OSBPL5: variants seen among roughly 807,000 people sequenced by gnomAD.
The protein encoded by OSBPL5 is oxysterol binding protein like 5, also known as oxysterol-binding protein-related protein 5.
OSBPL5 carries 71 observed loss-of-function variants against 111.2 expected under a neutral mutation model. The observed-to-expected ratio is 0.64, with a 90% confidence interval of 0.53 to 0.78. The LOEUF is 0.78. Among genes scored for constraint, OSBPL5 ranks in the 30% least tolerant of loss-of-function variants. OSBPL5 has a pLI of 0.00. For missense variants in OSBPL5, 1,210 were observed against 1,189.3 expected (o/e 1.02, Z -0.26); for synonymous variants, 549 against 513.9 (o/e 1.07, Z -0.93).
intron 1 of OSBPL5, among the ~76,000 whole-genome samples, chr11:3,135,198 C>G (rs1022643741): frequency 8.5e-5 from 13 of 152,232 alleles, no homozygotes; most frequent in African/African-American, 3.1e-4. Context: ...TTCCCCTGAA[C>G]TGAGCTGTGC....
rs1351143426 is a variant in OSBPL5 at position 3,154,488 on chromosome 11, G to A, written c.-22+10728C>T. Among the ~76,000 whole-genome samples, 1 of 152,210 alleles carries A rather than the reference G, an allele frequency of 6.6e-6. No individual in the cohort carries two copies. Among genetic ancestry groups the A allele is most frequent in the East Asian group, 1.9e-4 (1 of 5,202 alleles). On this transcript the variant is annotated intron_variant, in intron 1 of 21. Coordinates refer to ENST00000263650, the MANE Select transcript of OSBPL5 (RefSeq NM_020896.4). The surrounding 1 kb of genome is among the most constrained non-coding windows in gnomAD (Gnocchi z 4.9). Reference sequence around the variant, plus strand: ...GCTCGCCCAGGTTCCAGCTGAGCCAGGCCTCTTGGGAAGGCGTAAAACAGT... The same window carrying A: ...GCTCGCCCAGGTTCCAGCTGAGCCAAGCCTCTTGGGAAGGCGTAAAACAGT...
Position 3,126,767 on chromosome 11 carries a change from T to C in OSBPL5, c.137-212A>G. ...TGTGGGAGGAGTGTGCCAGGAGAACTGGCAGGGCCTCCAGGACCTACAGGG... is the reference window on the plus strand; with the variant it reads ...TGTGGGAGGAGTGTGCCAGGAGAACCGGCAGGGCCTCCAGGACCTACAGGG... On this transcript the variant is annotated intron_variant, in intron 2 of 21. Coordinates refer to ENST00000263650, the MANE Select transcript of OSBPL5 (RefSeq NM_020896.4). The surrounding 1 kb of genome is among the most constrained non-coding windows in gnomAD (Gnocchi z 6.5). 1 of 459,750 alleles carries C rather than the reference T, an allele frequency of 2.2e-6. No homozygotes were observed. The highest frequency in any genetic ancestry group is 3.9e-6 in the Non-Finnish European group (1 of 255,138). 28.5% of individuals were successfully genotyped at this position (459,750 alleles called of 1,614,324 possible). A position where few individuals can be genotyped will look rare whatever the true frequency, so the allele number is the denominator to read the frequency against.
At chr11:3,117,374 T>C (rs969240293) in intron 7 of OSBPL5, among the ~76,000 whole-genome samples, 1 of 152,208 alleles carries the variant, frequency 6.6e-6, no homozygotes, top group Non-Finnish European at 1.5e-5. Context: ...TCGCCCAACT[T>C]ATAGGTGTTT....
intron 1 of OSBPL5, among the ~76,000 whole-genome samples, chr11:3,150,434 T>C (rs560164812): frequency 6.5e-4 from 99 of 152,168 alleles, no homozygotes; most frequent in Non-Finnish European, 1.1e-3. Flanking sequence ...CTCCTCCTCC[T>C]TAGGGAGGAG....
At chr11:3,151,280 G>T (rs1846577447) in intron 1 of OSBPL5, among the ~76,000 whole-genome samples, 1 of 152,188 alleles carries the variant, frequency 6.6e-6, no homozygotes. Flanking sequence ...GAATGACTCT[G>T]TGTTGTTCTA....
chr11:3,103,707 CCCCCTTCCAGGCTCTGCTG>C (rs1857541595), intron 10 of OSBPL5, among the ~76,000 whole-genome samples: 3 of 117,384 alleles, frequency 2.6e-5, no homozygotes, highest in Non-Finnish European at 5.1e-5. Flanking sequence ...AGCCTGCGTA[CCCCCTTCCAGGCTCTGCTG>C]CCCCTTCCTG....
chr11:3,119,209 C>G (rs1275740329), intron 7 of OSBPL5, among the ~76,000 whole-genome samples: 1 of 152,106 alleles, frequency 6.6e-6, no homozygotes, highest in Non-Finnish European at 1.5e-5. Context: ...CGGGGTTTCA[C>G]CATGTTGGCC....
chr11:3,127,514 A>C (rs569714632), intron 2 of OSBPL5, among the ~76,000 whole-genome samples: 1 of 152,342 alleles, frequency 6.6e-6, no homozygotes, highest in South Asian at 2.1e-4. Flanking sequence ...GGCCACTCAC[A>C]GTCACAGAAC....
intron 11 of OSBPL5, 61 bp downstream of exon 11, chr11:3,103,178 A>G (rs954913836): frequency 3.4e-6 from 5 of 1,462,044 alleles, no homozygotes; most frequent in Admixed American, 4.1e-5. Flanking sequence ...CCAAGGGACG[A>G]GGGCTGAGCA....
At chr11:3,094,545 TGGG>T in intron 14 of OSBPL5, 1 of 247,122 alleles carries the variant, frequency 4.0e-6, no homozygotes, top group Non-Finnish European at 7.1e-6. Context: ...GTGCGGAGCC[TGGG>T]AGGTGCGGAG....
In OSBPL5 at chr11:3,129,105, G is replaced by T; in HGVS notation, c.44C>A (p.Pro15Gln). The change falls in exon 2 of 22, where the codon CCA (proline) becomes CAA (glutamine). Residue 15 changes from proline (P) to glutamine (Q), a missense_variant. Coordinates refer to ENST00000263650, the MANE Select transcript of OSBPL5 (RefSeq NM_020896.4). ...GACTTTCTGAGGGGTGGAGGAAGGT[G>T]GACACAGGGAGAAGCGGCGCCGGAG... ...AFLRRRFSLC[P>Q]PSSTPQKVDP... The T allele has an allele frequency of 6.5e-7, 1 of 1,536,700 alleles. No homozygotes were observed. The highest frequency in any genetic ancestry group is 8.8e-7 in the Non-Finnish European group (1 of 1,142,238).
intron 7 of OSBPL5, among the ~76,000 whole-genome samples, chr11:3,111,818 C>T (rs1857949725): frequency 6.6e-6 from 1 of 152,190 alleles, no homozygotes; most frequent in African/African-American, 2.4e-5. Context: ...CTAGGCCAAA[C>T]TGAAAGAGTA....
At chr11:3,103,818 G>C (rs1272709345) in intron 10 of OSBPL5, among the ~76,000 whole-genome samples, 1,229 of 25,596 alleles carry the variant, frequency 0.048, 29 homozygotes, top group Non-Finnish European at 0.066. Flanking sequence ...CTTCCTGCCT[G>C]CGCAGCCCCC....
chr11:3,154,613 T>C lies in OSBPL5; in HGVS notation c.-22+10603A>G, dbSNP rs1304734816. The stretch of plus-strand genomic sequence containing the variant: ...CTTACTCCGGGCAAATGCTGGGCCC[T>C]CACAGGGGATAAAAACAGAACCCAC... On this transcript the variant is annotated intron_variant, in intron 1 of 21. Coordinates refer to ENST00000263650, the MANE Select transcript of OSBPL5 (RefSeq NM_020896.4). The surrounding 1 kb of genome is among the most constrained non-coding windows in gnomAD (Gnocchi z 4.9). Among the ~76,000 whole-genome samples, 1 of 152,140 alleles carries C rather than the reference T, an allele frequency of 6.6e-6. No individual in the cohort carries two copies. The highest frequency in any genetic ancestry group is 2.4e-5 in the African/African-American group (1 of 41,440).
chr11:3,112,042 C>CGCGCGTGTGTGCATGTGTATGTGCGT (rs1857984257), intron 7 of OSBPL5, among the ~76,000 whole-genome samples: 2 of 82,304 alleles, frequency 2.4e-5, no homozygotes, highest in African/African-American at 8.5e-5. Context: ...TGTATGTGTG[C>CGCGCGTGTGTGCATGTGTATGTGCGT]GCGCATGTGT....
rs1317656506 is a variant in OSBPL5, at chr11:3,130,704, C to T, written c.-21-1535G>A. Reference sequence around the variant, plus strand: ...CAGAGCTAACAATCAGCAATGCCGTCCTTAAGCCAGGTGGAACCGATCCTA... The same window carrying T: ...CAGAGCTAACAATCAGCAATGCCGTTCTTAAGCCAGGTGGAACCGATCCTA... On this transcript the variant is annotated intron_variant, in intron 1 of 21. Coordinates refer to ENST00000263650, the MANE Select transcript of OSBPL5 (RefSeq NM_020896.4). The surrounding 1 kb of genome is among the most constrained non-coding windows in gnomAD (Gnocchi z 4.5). Among the ~76,000 whole-genome samples the T allele has an allele frequency of 6.6e-6, 1 of 152,230 alleles. No individual in the cohort carries two copies. The highest frequency in any genetic ancestry group is 6.5e-5 in the Admixed American group (1 of 15,286).
intron 6 of OSBPL5, 32 bp downstream of exon 6, chr11:3,120,389 C>A: frequency 6.3e-7 from 1 of 1,595,176 alleles, no homozygotes; most frequent in Admixed American, 1.8e-5. Context: ...CCCTACGGGG[C>A]CTCTGTCTTC....
In OSBPL5 at chr11:3,162,098, C is replaced by CT. The variant is rs1846983233; in HGVS notation, c.-22+3117dup. 6.6e-6 allele frequency among the ~76,000 whole-genome samples: 1 copy of CT among 152,072 alleles called. No homozygotes were observed. The highest frequency in any genetic ancestry group is 2.4e-5 in the African/African-American group (1 of 41,390). On this transcript the variant is annotated intron_variant, in intron 1 of 21. Transcript: ENST00000263650. The surrounding 1 kb of genome is among the most constrained non-coding windows in gnomAD (Gnocchi z 8.1). Reference sequence around the variant, plus strand: ...GACCCATGGCAAATCTCAAAGGGCTCTAAGTGGTCAAATTACATGAAGTGG... The same window carrying CT: ...GACCCATGGCAAATCTCAAAGGGCTCTTAAGTGGTCAAATTACATGAAGTGG...
chr11:3,160,230 T>C (rs368099897), intron 1 of OSBPL5, among the ~76,000 whole-genome samples: 1 of 152,106 alleles, frequency 6.6e-6, no homozygotes, highest in Non-Finnish European at 1.5e-5. Context: ...GGGGCTCCTC[T>C]CCCTCTGGCC....
Sources: allele counts gnomAD v4.1 joint callset (sites outside exome capture counted in the v4.1 genomes callset), GRCh38; gene constraint gnomAD v4.1.1; non-coding constraint Gnocchi (gnomAD v3.1); transcripts MANE v1.5; gene names NCBI Gene and HGNC (gene_info 2026-07-23, HGNC 2026-07-21).